Variants in HHAT observed in about 807,000 individuals in gnomAD.
The protein encoded by HHAT is protein-cysteine N-palmitoyltransferase HHAT.
In HHAT, 47 loss-of-function variants were observed where a neutral mutation model predicts 70.8. The observed-to-expected ratio is 0.66, with a 90% CI of 0.53 to 0.85. HHAT has a LOEUF of 0.85. Ranked by LOEUF, HHAT falls within the 40% of genes least tolerant of loss-of-function variation. HHAT has a pLI of 0.00. For synonymous variants in HHAT, 228 were observed against 247.6 expected (o/e 0.92, Z 0.74); for missense variants, 609 against 604.8 (o/e 1.01, Z -0.07).
intron 9 of HHAT, among the ~76,000 whole-genome samples, chr1:210,514,217 T>C (rs565357122): frequency 3.7e-4 from 57 of 152,310 alleles, no homozygotes; most frequent in African/African-American, 1.3e-3. Context: ...TTGACCTCTT[T>C]TCCAAGGCTC....
chr1:210,356,712 A>T (rs1358133032), intron 2 of HHAT, among the ~76,000 whole-genome samples: 2 of 152,262 alleles, frequency 1.3e-5, no homozygotes, highest in African/African-American at 4.8e-5. Flanking sequence ...TCTTCATGCA[A>T]CATGCTAACC....
At chr1:210,458,831 C>T (rs12128618) in intron 7 of HHAT, among the ~76,000 whole-genome samples, 12,824 of 152,156 alleles carry the variant, frequency 0.084, 584 homozygotes, top group South Asian at 0.12. Flanking sequence ...GATCCAATCA[C>T]TAGCTTCTTC....
At chr1:210,569,759 C>T (rs938148364) in intron 9 of HHAT, among the ~76,000 whole-genome samples, 2 of 152,138 alleles carry the variant, frequency 1.3e-5, no homozygotes, top group Non-Finnish European at 2.9e-5. Flanking sequence ...GGGAGCCACC[C>T]CTCAGAATCA....
intron 7 of HHAT, among the ~76,000 whole-genome samples, chr1:210,431,043 T>C (rs2093227593): frequency 6.6e-6 from 1 of 151,944 alleles, no homozygotes; most frequent in Non-Finnish European, 1.5e-5. Context: ...TTTTGGGATG[T>C]TTGATTGTGA....
At chr1:210,639,978 A>G (rs1166177173) in intron 11 of HHAT, among the ~76,000 whole-genome samples, 2 of 152,172 alleles carry the variant, frequency 1.3e-5, no homozygotes, top group African/African-American at 4.8e-5. Flanking sequence ...TCTTGATTGG[A>G]ATGTTCCTTG....
chr1:210,362,007 C>T (rs1026061281), intron 2 of HHAT, among the ~76,000 whole-genome samples: 10 of 142,730 alleles, frequency 7.0e-5, no homozygotes, highest in East Asian at 4.1e-4. Context: ...ACAAAAGCCA[C>T]GCCAGTCTGG....
intron 11 of HHAT, among the ~76,000 whole-genome samples, chr1:210,635,857 G>T (rs909317867): frequency 1.3e-5 from 2 of 152,154 alleles, no homozygotes; most frequent in African/African-American, 4.8e-5. Flanking sequence ...GACGCTTTGC[G>T]GAGATGAGCC....
At chr1:210,425,874 T>C (rs1287008702) in intron 7 of HHAT, among the ~76,000 whole-genome samples, 1 of 152,200 alleles carries the variant, frequency 6.6e-6, no homozygotes, top group East Asian at 1.9e-4. Context: ...TCTAGTTCTG[T>C]GAAGAATGTC....
chr1:210,520,369 A>T (rs903036145), intron 9 of HHAT, among the ~76,000 whole-genome samples: 4 of 152,210 alleles, frequency 2.6e-5, no homozygotes, highest in Non-Finnish European at 4.4e-5. Context: ...ATTACTATTG[A>T]TAAGTAAGGA....
At chr1:210,456,734 C>T (rs1418810481) in intron 7 of HHAT, among the ~76,000 whole-genome samples, 1 of 152,198 alleles carries the variant, frequency 6.6e-6, no homozygotes, top group African/African-American at 2.4e-5. Context: ...GGTGGGGCTG[C>T]TTCTAGCTCT....
chr1:210,407,394 G>A (rs1008599338), intron 6 of HHAT, among the ~76,000 whole-genome samples: 1 of 152,230 alleles, frequency 6.6e-6, no homozygotes, highest in African/African-American at 2.4e-5. Context: ...GAATGACGCT[G>A]CACCACCAGG....
chr1:210,424,248 A>G (rs2092991602), intron 7 of HHAT, among the ~76,000 whole-genome samples: 1 of 152,072 alleles, frequency 6.6e-6, no homozygotes, highest in Admixed American at 6.6e-5. Flanking sequence ...TTCCTTGTGA[A>G]GGTCTTCACC....
intron 1 of HHAT, among the ~76,000 whole-genome samples, chr1:210,336,304 T>TTTTTTTTTTTTTTTTTTTA (rs1377437318): frequency 6.9e-6 from 1 of 144,802 alleles, no homozygotes. Flanking sequence ...TTTTTTTTTT[T>TTTTTTTTTTTTTTTTTTTA]TTTTTTAGAG....
At chr1:210,622,779 G>A (rs1264893848) in intron 10 of HHAT, among the ~76,000 whole-genome samples, 1 of 152,198 alleles carries the variant, frequency 6.6e-6, no homozygotes, top group Non-Finnish European at 1.5e-5. Context: ...TTAGGGGGTG[G>A]TTGGATGGCT....
intron 11 of HHAT, among the ~76,000 whole-genome samples, chr1:210,636,863 T>A (rs768178941): frequency 1.3e-5 from 2 of 152,126 alleles, no homozygotes; most frequent in Non-Finnish European, 2.9e-5. Context: ...CTAAGAGAAG[T>A]TAGGTGTGTC....
intron 7 of HHAT, among the ~76,000 whole-genome samples, chr1:210,450,834 T>G (rs1173005511): frequency 2.0e-5 from 3 of 152,002 alleles, no homozygotes; most frequent in Non-Finnish European, 4.4e-5. Flanking sequence ...TAGGGTGGTG[T>G]TAAGTTTTGT....
At chr1:210,340,374 A>G (rs1051510839) in intron 1 of HHAT, among the ~76,000 whole-genome samples, 1 of 151,954 alleles carries the variant, frequency 6.6e-6, no homozygotes, top group Non-Finnish European at 1.5e-5. Flanking sequence ...ATTCAGTTTC[A>G]TGAAAATTGG....
intron 9 of HHAT, among the ~76,000 whole-genome samples, chr1:210,530,609 G>A (rs2095304873): frequency 6.6e-6 from 1 of 152,148 alleles, no homozygotes; most frequent in South Asian, 2.1e-4. Context: ...GGAGACAAAG[G>A]CCGGGAGAGA....
chr1:210,592,513 T>G (rs1289343131), intron 10 of HHAT, among the ~76,000 whole-genome samples: 1 of 151,248 alleles, frequency 6.6e-6, no homozygotes, highest in African/African-American at 2.4e-5. Context: ...TTGGTTATTC[T>G]GTGTCTTTTG....
Sources: allele counts gnomAD v4.1 joint callset (sites outside exome capture counted in the v4.1 genomes callset), GRCh38; gene constraint gnomAD v4.1.1; transcripts MANE v1.5; gene names NCBI Gene and HGNC (gene_info 2026-07-23, HGNC 2026-07-21).